The following SORD variants were observed in gnomAD, a reference collection of about 807,000 sequenced individuals.
The protein encoded by SORD is (R,R)-butanediol dehydrogenase.
A neutral mutation model predicts 35.6 loss-of-function variants in SORD; 18 were observed. The observed-to-expected ratio is 0.51, with a 90% CI of 0.35 to 0.75. The LOEUF (loss-of-function observed/expected upper bound fraction) is 0.75. Ranked by LOEUF, SORD falls within the 30% of genes least tolerant of loss-of-function variation. The probability of loss-of-function intolerance (pLI) is 0.01; values close to 1 mark genes in which losing one functional copy is unlikely to be tolerated. For synonymous variants in SORD, 106 were observed against 152.9 expected, an observed-to-expected ratio of 0.69 and a Z score of 2.26; for missense variants, 250 against 390.2, an observed-to-expected ratio of 0.64 and a Z score of 3.03.
At chr15:45,035,465 G>GA (rs1162109233) in intron 1 of SORD, among the ~76,000 whole-genome samples, 1 of 151,954 alleles carries the variant, frequency 6.6e-6, no homozygotes, top group Non-Finnish European at 1.5e-5. Flanking sequence ...TAGCTAATCT[G>GA]GGGGGGAGGT....
chr15:45,025,843 G>A lies in SORD; in HGVS notation c.66+2494G>A, dbSNP rs146563116. On this transcript the variant is annotated intron_variant, in intron 1 of 8. Transcript: ENST00000267814. The stretch of plus-strand genomic sequence containing the variant: ...AGGCTTGGTTGTCACGATGACTGAG[G>A]AGCACTACTGCGGACTTTATTCAGT... Among the ~76,000 whole-genome samples, 145 of 152,270 alleles carry A rather than the reference G, an allele frequency of 9.5e-4. 1 individual carries two copies. The highest frequency in any genetic ancestry group is 3.3e-3 in the African/African-American group (139 of 41,542).
In SORD at chr15:45,072,307, T is replaced by A. The variant is rs1306011449; in HGVS notation, c.787-10T>A. 4 of 632,654 alleles carry A rather than the reference T, an allele frequency of 6.3e-6. No homozygotes were observed. Among genetic ancestry groups the A allele is most frequent in the Non-Finnish European group, 1.0e-5 (4 of 390,952 alleles). The allele number at this position is 632,654 out of a possible 1,614,324, so 39.2% of individuals were successfully genotyped here. On this transcript the variant is annotated splice_polypyrimidine_tract_variant and intron_variant, in intron 7 of 8. Transcript: ENST00000267814. ...TCTTCTGAGCTTTCTTGTTTTTACC[T>A]CCTTTACAGGCCACTCGCTCTGGTG...
chr15:45,042,732 T>G (rs1022526927), intron 2 of SORD, among the ~76,000 whole-genome samples: 11 of 151,544 alleles, frequency 7.3e-5, no homozygotes, highest in African/African-American at 2.7e-4. Flanking sequence ...AATGATATAT[T>G]GTTTACCCAG....
rs760698416 is a variant in SORD, at chr15:45,065,282, A to G, written c.437A>G (p.Asn146Ser). The change falls in exon 5 of 9, where the codon AAT becomes AGT. Residue 146 changes from asparagine (N) to serine (S), a missense_variant. By Grantham distance (46) the Asn-to-Ser change is conservative. This residue lies in a region of SORD where 126 missense variants were observed against 148.7 expected (regional missense o/e 0.85). Coordinates refer to ENST00000267814, the MANE Select transcript of SORD (RefSeq NM_003104.6). ...NAAFCYKLPD[N>S]VTFEEGALIE... ...AATTGACTCCTCAGGCTTCCTGACAATGTCACCTTTGAGGAAGGCGCCCTG... is the reference window on the plus strand; with the variant it reads ...AATTGACTCCTCAGGCTTCCTGACAGTGTCACCTTTGAGGAAGGCGCCCTG... The G allele has an allele frequency of 1.9e-6, 3 of 1,613,548 alleles. No individual in the cohort carries two copies. Among genetic ancestry groups the G allele is most frequent in the African/African-American group, 1.3e-5 (1 of 74,986 alleles).
At chr15:45,047,804 G>A (rs1291290953) in intron 3 of SORD, among the ~76,000 whole-genome samples, 1 of 152,168 alleles carries the variant, frequency 6.6e-6, no homozygotes, top group Non-Finnish European at 1.5e-5. Context: ...CTGCTAGAAG[G>A]GGAGATTTCT....
At chr15:45,045,044 C>T (rs1435976069) in intron 3 of SORD, among the ~76,000 whole-genome samples, 1 of 152,100 alleles carries the variant, frequency 6.6e-6, no homozygotes, top group African/African-American at 2.4e-5. Flanking sequence ...GCATTATTAT[C>T]TTCATTAATT....
chr15:45,026,741 T>C (rs527968425), intron 1 of SORD, among the ~76,000 whole-genome samples: 1 of 152,372 alleles, frequency 6.6e-6, no homozygotes, highest in East Asian at 1.9e-4. Context: ...ATTCCTAAAA[T>C]CTGAAGCAGG....
intron 5 of SORD, among the ~76,000 whole-genome samples, chr15:45,067,542 A>G (rs1322319401): frequency 1.4e-4 from 21 of 152,216 alleles, no homozygotes; most frequent in Non-Finnish European, 5.9e-5. Flanking sequence ...GTAAACCCCC[A>G]AAGATAGTCT....
chr15:45,044,282 A>G (rs1430830323), intron 3 of SORD, among the ~76,000 whole-genome samples: 8 of 152,188 alleles, frequency 5.3e-5, no homozygotes, highest in Non-Finnish European at 1.0e-4. Context: ...GTCTCTGACT[A>G]TAAATTATAA....
At chr15:45,045,388 C>T (rs1324658131) in intron 3 of SORD, among the ~76,000 whole-genome samples, 1 of 151,802 alleles carries the variant, frequency 6.6e-6, no homozygotes, top group Non-Finnish European at 1.5e-5. Flanking sequence ...GAAAAATTAG[C>T]CGGACATGGT....
At chr15:45,047,151 A>G (rs1325821920) in intron 3 of SORD, 2 of 152,228 alleles carry the variant, frequency 1.3e-5, no homozygotes, top group African/African-American at 4.8e-5. Flanking sequence ...GAGTAGAACA[A>G]GGAGTATTAT....
At chr15:45,040,738 C>G (rs1482905053) in intron 2 of SORD, among the ~76,000 whole-genome samples, 3 of 152,220 alleles carry the variant, frequency 2.0e-5, no homozygotes, top group Admixed American at 1.3e-4. Context: ...GGACCAATGA[C>G]AGAATTCTTC....
chr15:45,037,112 C>G (rs933903823), intron 1 of SORD, among the ~76,000 whole-genome samples: 1 of 152,114 alleles, frequency 6.6e-6, no homozygotes, highest in African/African-American at 2.4e-5. Context: ...GGAGACAAGC[C>G]TGAGTTGCAA....
chr15:45,058,048 A>G (rs951584561), intron 3 of SORD, among the ~76,000 whole-genome samples: 5 of 152,260 alleles, frequency 3.3e-5, no homozygotes, highest in African/African-American at 4.8e-5. Context: ...GATTCTATCC[A>G]ACAAAATTAT....
chr15:45,034,965 G>T (rs1179675579), intron 1 of SORD, among the ~76,000 whole-genome samples: 2 of 152,200 alleles, frequency 1.3e-5, no homozygotes, highest in African/African-American at 4.8e-5. Flanking sequence ...GCAATGAGGG[G>T]CTTAGCACCC....
intron 3 of SORD, among the ~76,000 whole-genome samples, chr15:45,052,807 G>A (rs182881271): frequency 2.0e-5 from 3 of 152,224 alleles, no homozygotes; most frequent in East Asian, 1.9e-4. Context: ...GGTTCAGAAG[G>A]CCAAACTGGC....
chr15:45,028,986 C>T lies in SORD; in HGVS notation c.66+5637C>T, dbSNP rs552140163. ...CTTCTATGTGATCAGATTAAAGGGG[C>T]TGATAGTCATGAAGCAGGAGCTGGA... is the stretch of plus-strand genomic sequence containing the variant. On this transcript the variant is annotated intron_variant, in intron 1 of 8. Transcript: ENST00000267814. 2.6e-5 allele frequency among the ~76,000 whole-genome samples: 4 copies of T among 152,324 alleles called. 1 individual carries two copies. Among genetic ancestry groups the T allele is most frequent in the African/African-American group, 7.2e-5 (3 of 41,592 alleles).
rs1893218412 is a variant in SORD, at chr15:45,056,438, A to C, written c.266-4629A>C. 7.2e-5 allele frequency among the ~76,000 whole-genome samples: 11 copies of C among 152,348 alleles called. No homozygotes were observed. In the South Asian group the frequency reaches 2.3e-3, roughly 32 times the overall value. The stretch of plus-strand genomic sequence containing the variant: ...GGAATCCAACTTACAAGGGACGTGA[A>C]GGACCTCTTCAAGGAGAACTACAAA... On this transcript the variant is annotated intron_variant, in intron 3 of 8. Coordinates refer to ENST00000267814, the MANE Select transcript of SORD (RefSeq NM_003104.6).
intron 1 of SORD, among the ~76,000 whole-genome samples, chr15:45,025,483 A>T (rs1892654513): frequency 6.6e-6 from 1 of 152,090 alleles, no homozygotes; most frequent in African/African-American, 2.4e-5. Context: ...TATAAATACA[A>T]AAATTAGCTG....
Sources: allele counts gnomAD v4.1 joint callset (sites outside exome capture counted in the v4.1 genomes callset), GRCh38; gene constraint gnomAD v4.1.1; regional missense constraint gnomAD v4.1.1; transcripts MANE v1.5; gene names NCBI Gene and HGNC (gene_info 2026-07-23, HGNC 2026-07-21).